STXBP4: variants seen among roughly 807,000 people sequenced by gnomAD.
STXBP4 encodes the protein syntaxin binding protein 4, also known as syntaxin-binding protein 4.
STXBP4 carries 55 observed loss-of-function variants against 76.1 expected under a neutral mutation model. The ratio of observed to expected loss-of-function variants is 0.72; its 90% CI spans 0.58 to 0.91. The LOEUF is 0.91. STXBP4 is among the 40% of genes least tolerant of loss of function. STXBP4 has a pLI of 0.00. For synonymous variants in STXBP4, 201 were observed against 220.2 expected, an observed-to-expected ratio of 0.91 and a Z score of 0.77; for missense variants, 618 against 636.9, an observed-to-expected ratio of 0.97 and a Z score of 0.32.
At chr17:55,185,684 A>G in the STXBP4 span, among the ~76,000 whole-genome samples, 3 of 152,218 alleles carry the variant, frequency 2.0e-5, no homozygotes, top group Admixed American at 1.3e-4. Flanking sequence ...AGTACTGGGC[A>G]GTGACATCTG....
At chr17:55,193,987 CA>C in the STXBP4 span, among the ~76,000 whole-genome samples, 1 of 152,074 alleles carries the variant, frequency 6.6e-6, no homozygotes, top group Non-Finnish European at 1.5e-5. Context: ...GGAAGAATTT[CA>C]GGGAAAAGAA....
chr17:54,969,110 G>GC (rs2077341499), intron 1 of STXBP4, among the ~76,000 whole-genome samples: 1 of 152,164 alleles, frequency 6.6e-6, no homozygotes, highest in East Asian at 1.9e-4. Context: ...GTTAACCGCA[G>GC]CCCTCATGGG....
the STXBP4 span, among the ~76,000 whole-genome samples, chr17:55,197,064 T>C: frequency 6.6e-6 from 1 of 152,230 alleles, no homozygotes; most frequent in Non-Finnish European, 1.5e-5. Context: ...TTCTTACATC[T>C]GGCTGCACAT....
chr17:55,135,189 C>T (rs1325667048), intron 16 of STXBP4, among the ~76,000 whole-genome samples: 1 of 152,084 alleles, frequency 6.6e-6, no homozygotes, highest in Non-Finnish European at 1.5e-5. Flanking sequence ...TGTGAACCAC[C>T]AAATAACCTC....
chr17:55,014,525 G>A (rs2078171025), intron 8 of STXBP4, among the ~76,000 whole-genome samples: 2 of 152,166 alleles, frequency 1.3e-5, no homozygotes, highest in Admixed American at 1.3e-4. Context: ...GTCCGGGACA[G>A]GAGAGTAAGA....
At chr17:55,065,479 C>T (rs1359969890) in intron 12 of STXBP4, among the ~76,000 whole-genome samples, 1 of 152,038 alleles carries the variant, frequency 6.6e-6, no homozygotes, top group African/African-American at 2.4e-5. Context: ...CAGATGAATT[C>T]TAATGTTTAA....
At chr17:55,011,922 G>A (rs1038395532) in intron 8 of STXBP4, among the ~76,000 whole-genome samples, 2 of 152,102 alleles carry the variant, frequency 1.3e-5, no homozygotes, top group Non-Finnish European at 2.9e-5. Flanking sequence ...GCTGAACTGG[G>A]GTGTAGTAGG....
chr17:55,143,423 G>A (rs2080115665), intron 17 of STXBP4, among the ~76,000 whole-genome samples: 1 of 152,146 alleles, frequency 6.6e-6, no homozygotes, highest in Admixed American at 6.5e-5. Context: ...TCCTAACCCA[G>A]AGTTGAATGT....
At chr17:55,078,884 G>T in intron 15 of STXBP4, 149 bp downstream of exon 15, 2 of 603,740 alleles carry the variant, frequency 3.3e-6, no homozygotes, top group Non-Finnish European at 5.9e-6. Context: ...ATAGATGCAA[G>T]GACATATTGT....
chr17:54,990,788 T>C (rs997691261), intron 3 of STXBP4, 37 bp from the exon 4 acceptor site: 1 of 1,561,026 alleles, frequency 6.4e-7, no homozygotes, highest in Non-Finnish European at 8.6e-7. Flanking sequence ...TGCAGATCTC[T>C]AGACTAACCT....
chr17:55,157,557 C>T (rs1193887498), intron 17 of STXBP4, among the ~76,000 whole-genome samples: 1 of 152,160 alleles, frequency 6.6e-6, no homozygotes, highest in African/African-American at 2.4e-5. Context: ...GTACACTAAA[C>T]CACACTCTGA....
intron 16 of STXBP4, among the ~76,000 whole-genome samples, chr17:55,091,313 T>G (rs1172551576): frequency 6.6e-6 from 1 of 152,202 alleles, no homozygotes; most frequent in Non-Finnish European, 1.5e-5. Flanking sequence ...TAAAATGTTT[T>G]TAATGGTCAT....
chr17:55,177,882 A>G (rs1466603371), downstream of STXBP4, among the ~76,000 whole-genome samples: 1 of 152,198 alleles, frequency 6.6e-6, no homozygotes, highest in Non-Finnish European at 1.5e-5. Context: ...TGGGAAACAA[A>G]GCACCTCCTG....
chr17:55,211,828 TG>T, the STXBP4 span, among the ~76,000 whole-genome samples: 1 of 143,122 alleles, frequency 7.0e-6, no homozygotes, highest in African/African-American at 2.6e-5. Context: ...TTTTTTTTTT[TG>T]ACGGAGTCTT....
At chr17:55,048,255 A>G (rs987382259) in intron 12 of STXBP4, among the ~76,000 whole-genome samples, 3 of 151,878 alleles carry the variant, frequency 2.0e-5, no homozygotes, top group Non-Finnish European at 4.4e-5. Context: ...TAAGGAGCTT[A>G]TAGAAATGAA....
intron 17 of STXBP4, among the ~76,000 whole-genome samples, chr17:55,146,717 A>C (rs2080159434): frequency 7.7e-6 from 1 of 129,880 alleles, no homozygotes; most frequent in African/African-American, 3.2e-5. Flanking sequence ...ACTCCGTCTC[A>C]AAAAAAAAGA....
intron 16 of STXBP4, among the ~76,000 whole-genome samples, chr17:55,119,138 C>G (rs534381447): frequency 1.3e-5 from 2 of 152,062 alleles, no homozygotes; most frequent in African/African-American, 4.8e-5. Context: ...CTCATCCATT[C>G]TCGCTATAAA....
chr17:55,005,367 T>G (rs1317484666), intron 7 of STXBP4, among the ~76,000 whole-genome samples: 1 of 152,216 alleles, frequency 6.6e-6, no homozygotes, highest in Non-Finnish European at 1.5e-5. Context: ...CTTTACCTTT[T>G]CCTGCCTTGG....
chr17:55,135,230 T>C (rs140815517), intron 16 of STXBP4, among the ~76,000 whole-genome samples: 10 of 152,292 alleles, frequency 6.6e-5, no homozygotes, highest in African/African-American at 2.4e-4. Flanking sequence ...GTTCCTTTAA[T>C]ATATTATAGC....
Sources: allele counts gnomAD v4.1 joint callset (sites outside exome capture counted in the v4.1 genomes callset), GRCh38; gene constraint gnomAD v4.1.1; transcripts MANE v1.5; gene names NCBI Gene and HGNC (gene_info 2026-07-23, HGNC 2026-07-21).